Variants in KCNQ3 observed in about 807,000 individuals in gnomAD.
KCNQ3 encodes the protein potassium voltage-gated channel subfamily Q member 3, also known as potassium voltage-gated channel subfamily KQT member 3.
In KCNQ3, 30 loss-of-function variants were observed where a neutral mutation model predicts 92.5. The observed-to-expected ratio is 0.32, with a 90% CI of 0.24 to 0.44. The LOEUF (loss-of-function observed/expected upper bound fraction) is 0.44. Ranked by LOEUF, KCNQ3 falls within the 20% of genes least tolerant of loss-of-function variation. KCNQ3 has a pLI of 1.00. For missense variants in KCNQ3, 913 were observed against 1,140.3 expected, an observed-to-expected ratio of 0.80 and a Z score of 2.87; for synonymous variants, 450 against 468.8, an observed-to-expected ratio of 0.96 and a Z score of 0.52.
chr8:132,354,864 T>C (rs987854593), intron 1 of KCNQ3, among the ~76,000 whole-genome samples: 2 of 152,178 alleles, frequency 1.3e-5, no homozygotes, highest in African/African-American at 4.8e-5. Context: ...TAGCCTCTGC[T>C]CTTTACAGTC....
chr8:132,439,524 G>C (rs1821480360), intron 1 of KCNQ3, among the ~76,000 whole-genome samples: 1 of 152,132 alleles, frequency 6.6e-6, no homozygotes. Context: ...GGGGAGTCAA[G>C]GTTGCTGAAG....
At chr8:132,414,740 T>A (rs1460606532) in intron 1 of KCNQ3, among the ~76,000 whole-genome samples, 1 of 152,026 alleles carries the variant, frequency 6.6e-6, no homozygotes. Flanking sequence ...AATAGCAAAA[T>A]AATAGACAGA....
At chr8:132,248,489 C>T (rs1244946196) in intron 1 of KCNQ3, among the ~76,000 whole-genome samples, 1 of 152,138 alleles carries the variant, frequency 6.6e-6, no homozygotes, top group Non-Finnish European at 1.5e-5. Flanking sequence ...TTTGTATTAG[C>T]TTCTAGGGAA....
rs1824642040 is a variant in KCNQ3, at chr8:132,125,652, G to A, written c.*3610C>T. 6.6e-6 allele frequency: 1 copy of A among 152,154 alleles called. No individual in the cohort carries two copies. The highest frequency in any genetic ancestry group is 1.5e-5 in the Non-Finnish European group (1 of 68,016). 9.4% of individuals were successfully genotyped at this position (152,154 alleles called of 1,614,324 possible). On this transcript the variant is annotated 3_prime_UTR_variant, in exon 15 of 15. Coordinates refer to ENST00000388996, the MANE Select transcript of KCNQ3 (RefSeq NM_004519.4). ...CCTATTAGATTAGGTTTTTCTACAGGAAATTATTCTTTCAAACTACAGTGT... is the reference window on the plus strand; with the variant it reads ...CCTATTAGATTAGGTTTTTCTACAGAAAATTATTCTTTCAAACTACAGTGT...
At chr8:132,300,234 C>T (rs1319261846) in intron 1 of KCNQ3, among the ~76,000 whole-genome samples, 2 of 152,120 alleles carry the variant, frequency 1.3e-5, no homozygotes, top group African/African-American at 2.4e-5. Context: ...GGAGGTGACA[C>T]CATTTTTTTT....
intron 1 of KCNQ3, among the ~76,000 whole-genome samples, chr8:132,237,132 TC>T (rs887665207): frequency 1.3e-5 from 2 of 152,172 alleles, no homozygotes; most frequent in African/African-American, 4.8e-5. Context: ...AACAAAAGGG[TC>T]TTTTTTAAGC....
At chr8:132,191,641 A>G (rs1254709540) in intron 1 of KCNQ3, among the ~76,000 whole-genome samples, 2 of 147,564 alleles carry the variant, frequency 1.4e-5, no homozygotes, top group African/African-American at 4.9e-5. Flanking sequence ...ATTAATATAT[A>G]TAATATATAT....
chr8:132,370,174 C>T (rs1424661363), intron 1 of KCNQ3, among the ~76,000 whole-genome samples: 1 of 152,168 alleles, frequency 6.6e-6, no homozygotes, highest in Non-Finnish European at 1.5e-5. Flanking sequence ...GGGACAATGA[C>T]CACACACAGG....
chr8:132,137,846 T>C, intron 12 of KCNQ3, 39 bp downstream of exon 12: 1 of 1,611,704 alleles, frequency 6.2e-7, no homozygotes. Flanking sequence ...TCATAGGGCT[T>C]TGAGGGGAGC....
At chr8:132,327,587 G>A (rs949216411) in intron 1 of KCNQ3, among the ~76,000 whole-genome samples, 1 of 152,080 alleles carries the variant, frequency 6.6e-6, no homozygotes, top group Non-Finnish European at 1.5e-5. Flanking sequence ...CAAGACCAAG[G>A]GGATGTGCCT....
chr8:132,151,880 T>C (rs1825645585), intron 9 of KCNQ3, among the ~76,000 whole-genome samples: 1 of 152,202 alleles, frequency 6.6e-6, no homozygotes, highest in Non-Finnish European at 1.5e-5. Flanking sequence ...TGGTATACAA[T>C]CTTCTTTAGG....
rs563025520 is a variant in KCNQ3 at position 132,249,881 on chromosome 8, C to T, written c.387-63700G>A. 2.0e-5 allele frequency among the ~76,000 whole-genome samples: 3 copies of T among 152,190 alleles called. No individual in the cohort carries two copies. The South Asian group carries it at 6.2e-4, about 31-fold the overall frequency. ...ACTGCTGGGGGACCCAGTGCACCCT[C>T]CGCAGCTCCTGGCCCAGGTACTAAG... On this transcript the variant is annotated intron_variant, in intron 1 of 14. Coordinates refer to ENST00000388996, the MANE Select transcript of KCNQ3 (RefSeq NM_004519.4).
At chr8:132,463,025 A>C (rs1191189067) in intron 1 of KCNQ3, among the ~76,000 whole-genome samples, 1 of 152,222 alleles carries the variant, frequency 6.6e-6, no homozygotes, top group African/African-American at 2.4e-5. Context: ...GGGAAGACAC[A>C]AAACATAACA....
At chr8:132,430,424 G>A (rs994423507) in intron 1 of KCNQ3, among the ~76,000 whole-genome samples, 1 of 152,210 alleles carries the variant, frequency 6.6e-6, no homozygotes, top group Non-Finnish European at 1.5e-5. Context: ...TGAGTCAGGA[G>A]CCAAAGGTCC....
At chr8:132,188,547 T>C (rs181148841) in intron 1 of KCNQ3, among the ~76,000 whole-genome samples, 1 of 152,364 alleles carries the variant, frequency 6.6e-6, no homozygotes, top group East Asian at 1.9e-4. Flanking sequence ...TAAATGTCCA[T>C]ATCCTCCATT....
intron 1 of KCNQ3, among the ~76,000 whole-genome samples, chr8:132,316,824 C>T (rs1051081904): frequency 2.0e-5 from 3 of 152,206 alleles, no homozygotes; most frequent in Non-Finnish European, 4.4e-5. Flanking sequence ...AAAATTTCTT[C>T]CTAATTCTGG....
intron 1 of KCNQ3, among the ~76,000 whole-genome samples, chr8:132,266,939 T>G (rs562934284): frequency 6.6e-6 from 1 of 152,264 alleles, no homozygotes; most frequent in South Asian, 2.1e-4. Context: ...TTTTCTTACA[T>G]ATCAGAAATT....
At chr8:132,237,971 A>G (rs1362796366) in intron 1 of KCNQ3, among the ~76,000 whole-genome samples, 1 of 152,152 alleles carries the variant, frequency 6.6e-6, no homozygotes, top group Non-Finnish European at 1.5e-5. Context: ...AACCTCATGC[A>G]TTTCAAGGAA....
At chr8:132,305,966 T>G (rs1199735602) in intron 1 of KCNQ3, among the ~76,000 whole-genome samples, 1 of 152,100 alleles carries the variant, frequency 6.6e-6, no homozygotes, top group Non-Finnish European at 1.5e-5. Context: ...TTATTATTTA[T>G]TGTCAAGCAG....
Sources: gnomAD v4.1 joint callset for allele counts (sites outside exome capture counted in the v4.1 genomes callset) on GRCh38, gnomAD v4.1.1 for gene constraint, MANE v1.5 for transcripts, NCBI Gene and HGNC (gene_info 2026-07-23, HGNC 2026-07-21) for gene names.